Variants in INO80B observed in about 807,000 individuals in gnomAD.
INO80B encodes INO80 complex subunit B.
In INO80B, 18 loss-of-function variants were observed where a neutral mutation model predicts 31.4. The ratio of observed to expected loss-of-function variants is 0.57; its 90% CI spans 0.40 to 0.85. INO80B has a LOEUF of 0.85. INO80B is among the 40% of genes least tolerant of loss of function. The probability of loss-of-function intolerance (pLI) is 0.00; values close to 1 mark genes in which losing one functional copy is unlikely to be tolerated. For synonymous variants in INO80B, 238 were observed against 199.0 expected, an observed-to-expected ratio of 1.20 and a Z score of -1.65; for missense variants, 469 against 475.4, an observed-to-expected ratio of 0.99 and a Z score of 0.13.
At chr2:74,455,343 G>A (rs541624369) in intron 1 of INO80B, 63 bp from the exon 2 acceptor site, 1 of 1,597,210 alleles carries the variant, frequency 6.3e-7, no homozygotes, top group African/African-American at 1.3e-5. Context: ...AGGGGCTTAG[G>A]TTATTCAGGG....
chr2:74,455,304 C>A (rs757918662), intron 1 of INO80B, 102 bp from the exon 2 acceptor site: 17 of 1,531,574 alleles, frequency 1.1e-5, no homozygotes, highest in African/African-American at 6.8e-5. Context: ...ATGGTAACAG[C>A]GAGTACTGCG....
intron 2 of INO80B, 50 bp downstream of exon 2, chr2:74,455,648 A>G: frequency 6.4e-7 from 1 of 1,552,194 alleles, no homozygotes; most frequent in Non-Finnish European, 8.7e-7. Context: ...AGGAGCAGAG[A>G]TAGTAGTTAG....
chr2:74,456,753 A>G (rs1172037492), intron 4 of INO80B, among the ~76,000 whole-genome samples: 1 of 152,268 alleles, frequency 6.6e-6, no homozygotes, highest in Non-Finnish European at 1.5e-5. Flanking sequence ...GCATCTTTGT[A>G]GAGAATGAAT....
chr2:74,457,924 C>A lies in INO80B; in HGVS notation c.*60C>A. 7.0e-7 allele frequency: 1 copy of A among 1,431,564 alleles called. No homozygotes were observed. Among genetic ancestry groups the A allele is most frequent in the Non-Finnish European group, 9.3e-7 (1 of 1,079,562 alleles). The allele number at this position is 1,431,564 out of a possible 1,614,324, so 88.7% of individuals were successfully genotyped here. On this transcript the variant is annotated 3_prime_UTR_variant, in exon 5 of 5. Transcript: ENST00000233331. ...CCCGCTCTTGAGTATCTTCCCCACC[C>A]TATTAAATTACATCCGGTGCTTCGG...
Position 74,457,768 on chromosome 2 carries a change from A to G in INO80B, c.975A>G (p.Thr325=). The change falls in exon 5 of 5, where the codon ACA becomes ACG. Residue 325 remains threonine (T), a synonymous_variant. Coordinates refer to ENST00000233331, the MANE Select transcript of INO80B (RefSeq NM_031288.4). ...PHPRRYACSR[T]GQALCSLQCY... ...CGCGCCGCTACGCTTGCTCCCGCAC[A>G]GGCCAGGCACTCTGTAGTCTTCAGT... 6 of 1,599,570 alleles carry G rather than the reference A, an allele frequency of 3.8e-6. No homozygotes were observed. The highest frequency in any genetic ancestry group is 5.1e-6 in the Non-Finnish European group (6 of 1,179,666).
chr2:74,455,163 C>G lies in INO80B; in HGVS notation c.47C>G (p.Ala16Gly). 1 of 1,614,148 alleles carries G rather than the reference C, an allele frequency of 6.2e-7. No individual in the cohort carries two copies. Among genetic ancestry groups the G allele is most frequent in the Non-Finnish European group, 8.5e-7 (1 of 1,179,978 alleles). ...RRGSTSGAME[A>G]PEPGEALELS... The stretch of plus-strand genomic sequence containing the variant: ...GGGAGCACCTCTGGGGCTATGGAGG[C>G]CCCTGAGCCGGGTAAGCGCGAATAG... Residue 16 changes from alanine to glycine, a missense_variant, in exon 1 of 5, where the codon GCC (alanine) becomes GGC (glycine). Physicochemically the swap from Ala to Gly is moderately conservative, Grantham distance 60. This residue lies in a region of INO80B where 223 missense variants were observed against 253.4 expected (regional missense o/e 0.88). Coordinates refer to ENST00000233331, the MANE Select transcript of INO80B (RefSeq NM_031288.4).
intron 4 of INO80B, among the ~76,000 whole-genome samples, chr2:74,456,697 C>G (rs556971233): frequency 1.3e-5 from 2 of 152,194 alleles, no homozygotes; most frequent in African/African-American, 4.8e-5. Flanking sequence ...AAGGGCTGTA[C>G]GCAGAGAAGT....
At position 74,455,143 on chromosome 2, in the gene INO80B, C is replaced by A; in HGVS notation, c.27C>A (p.Ser9Arg). MSKLWRRGSTSGAMEAPEP... is the reference protein window; with the variant it reads MSKLWRRGRTSGAMEAPEP... ...TGAGTAAGCTGTGGCGGCGTGGGAGCACCTCTGGGGCTATGGAGGCCCCTG... is the reference window on the plus strand; with the variant it reads ...TGAGTAAGCTGTGGCGGCGTGGGAGAACCTCTGGGGCTATGGAGGCCCCTG... Residue 9 changes from serine (S) to arginine (R), a missense_variant, in exon 1 of 5, where the codon AGC becomes AGA. Physicochemically the swap from Ser to Arg is moderately radical, Grantham distance 110 (BLOSUM62 -1). This residue lies in a region of INO80B where 223 missense variants were observed against 253.4 expected (regional missense o/e 0.88). Coordinates refer to ENST00000233331, the MANE Select transcript of INO80B (RefSeq NM_031288.4). 6.2e-7 allele frequency: 1 copy of A among 1,614,186 alleles called. No homozygotes were observed.
At chr2:74,456,697 C>T (rs556971233) in intron 4 of INO80B, among the ~76,000 whole-genome samples, 2 of 152,312 alleles carry the variant, frequency 1.3e-5, no homozygotes, top group South Asian at 4.1e-4. Context: ...AAGGGCTGTA[C>T]GCAGAGAAGT....
intron 4 of INO80B, 60 bp from the exon 5 acceptor site, chr2:74,457,274 G>T (rs527828698): frequency 1.3e-6 from 2 of 1,531,774 alleles, no homozygotes; most frequent in East Asian, 2.5e-5. Context: ...CGATCTGGCC[G>T]ACCTCGCCTC....
At chr2:74,456,070 A>C in intron 3 of INO80B, 33 bp from the exon 4 acceptor site, 1 of 1,577,108 alleles carries the variant, frequency 6.3e-7, no homozygotes, top group East Asian at 2.2e-5. Context: ...CATCTGAACA[A>C]TTCTGTTTTT....
chr2:74,455,664 G>C (rs570213566), intron 2 of INO80B, 66 bp downstream of exon 2: 2 of 1,516,070 alleles, frequency 1.3e-6, no homozygotes, highest in African/African-American at 1.4e-5. Context: ...GTTAGAAGCC[G>C]ACTGGGCTTT....
intron 1 of INO80B, 40 bp downstream of exon 1, chr2:74,455,214 A>G: frequency 6.2e-7 from 1 of 1,608,932 alleles, no homozygotes; most frequent in South Asian, 1.1e-5. Context: ...TCGTGTTAGA[A>G]AAGAAGTCCC....
rs532502859 is a variant in INO80B, at chr2:74,455,431, G to C, written c.84G>C (p.Ala28=). Residue 28 remains alanine (A), a synonymous_variant, in exon 2 of 5, where the codon GCG becomes GCC. Coordinates refer to ENST00000233331, the MANE Select transcript of INO80B (RefSeq NM_031288.4). The part of the protein sequence containing the change: ...EPGEALELSL[A]GAHGHGVHKK... Reference sequence around the variant, plus strand: ...GAGAAGCCCTGGAGTTGAGCCTGGCGGGTGCCCATGGCCATGGAGTGCACA... The same window carrying C: ...GAGAAGCCCTGGAGTTGAGCCTGGCCGGTGCCCATGGCCATGGAGTGCACA... 55 of 1,614,086 alleles carry C rather than the reference G, an allele frequency of 3.4e-5. No homozygotes were observed. The South Asian group carries it at 6.0e-4, about 18-fold the overall frequency.
chr2:74,457,555 G>A lies in INO80B; in HGVS notation c.762G>A (p.Arg254=), dbSNP rs938712579. 2.0e-6 allele frequency: 3 copies of A among 1,521,334 alleles called. No homozygotes were observed. Among genetic ancestry groups the A allele is most frequent in the South Asian group, 1.2e-5 (1 of 81,220 alleles). 94.2% of individuals were successfully genotyped at this position (1,521,334 alleles called of 1,614,324 possible). A position where few individuals can be genotyped will look rare whatever the true frequency, so the allele number is the denominator to read the frequency against. Residue 254 remains arginine, a synonymous_variant, in exon 5 of 5, where the codon CGG becomes CGA. Transcript: ENST00000233331. ...KTAATSGRGG[R]GGARGERRGG... is the part of the protein sequence containing the mutation. ...CGGCGACCAGTGGGCGGGGAGGCCG[G>A]GGGGGCGCACGGGGCGAGCGGCGGG... is the stretch of plus-strand genomic sequence containing the variant.
chr2:74,455,297 G>A, intron 1 of INO80B, 109 bp from the exon 2 acceptor site: 1 of 1,521,178 alleles, frequency 6.6e-7, no homozygotes, highest in East Asian at 2.2e-5. Context: ...TGTTGTTATG[G>A]TAACAGCGAG....
intron 2 of INO80B, 75 bp downstream of exon 2, chr2:74,455,673 T>C: frequency 6.7e-7 from 1 of 1,495,024 alleles, no homozygotes; most frequent in Admixed American, 2.0e-5. Flanking sequence ...CGACTGGGCT[T>C]TCTAGAAGAC....
chr2:74,457,429 G>A lies in INO80B; in HGVS notation c.636G>A (p.Met212Ile), dbSNP rs1358349505. ...GCPPPALTEE[M>I]LLKREERARK... ...CACCTCCCGCCCTCACAGAGGAGAT[G>A]CTGCTGAAGCGCGAGGAGCGGGCGC... Residue 212 changes from methionine to isoleucine, a missense_variant, in exon 5 of 5, where the codon ATG becomes ATA. Physicochemically the swap from Met to Ile is conservative, Grantham distance 10. This residue lies in a region of INO80B where 45 missense variants were observed against 70.3 expected (regional missense o/e 0.64). Coordinates refer to ENST00000233331, the MANE Select transcript of INO80B (RefSeq NM_031288.4). 3.8e-6 allele frequency: 6 copies of A among 1,593,842 alleles called. No individual in the cohort carries two copies. Among genetic ancestry groups the A allele is most frequent in the Non-Finnish European group, 5.1e-6 (6 of 1,170,700 alleles).
In INO80B at chr2:74,457,731, G is replaced by A. The variant is rs1572914748; in HGVS notation, c.938G>A (p.Gly313Asp). Reference sequence around the variant, plus strand: ...CCGCCGCCGCGCTGCTCTGTCCCCGGCTGTCCCCATCCGCGCCGCTACGCT... The same window carrying A: ...CCGCCGCCGCGCTGCTCTGTCCCCGACTGTCCCCATCCGCGCCGCTACGCT... ...SGPPPRCSVPGCPHPRRYACS... is the reference protein window; with the variant it reads ...SGPPPRCSVPDCPHPRRYACS... The change falls in exon 5 of 5, where the codon GGC (glycine) becomes GAC (aspartate). Residue 313 changes from glycine to aspartate, a missense_variant. Gly to Asp is a moderately conservative substitution (Grantham distance 94, BLOSUM62 -1). Transcript: ENST00000233331. 3 of 1,600,384 alleles carry A rather than the reference G, an allele frequency of 1.9e-6. No homozygotes were observed. The highest frequency in any genetic ancestry group is 2.5e-6 in the Non-Finnish European group (3 of 1,179,696).
Sources: gnomAD v4.1 joint callset for allele counts (sites outside exome capture counted in the v4.1 genomes callset) on GRCh38, gnomAD v4.1.1 for gene constraint, gnomAD v4.1.1 regional missense constraint, MANE v1.5 for transcripts, NCBI Gene and HGNC (gene_info 2026-07-23, HGNC 2026-07-21) for gene names.